Variants in SMYD3 observed in about 807,000 individuals in gnomAD.
SMYD3 encodes SET and MYND domain containing 3, also known as histone-lysine N-methyltransferase SMYD3.
In SMYD3, 36 loss-of-function variants were observed where a neutral mutation model predicts 57.7. The ratio of observed to expected loss-of-function variants is 0.62; its 90% CI spans 0.48 to 0.82. SMYD3 has a LOEUF of 0.82. Ranked by LOEUF, SMYD3 falls within the 40% of genes least tolerant of loss-of-function variation. The pLI, the probability that SMYD3 is intolerant of heterozygous loss-of-function variation, is 0.00. For synonymous variants in SMYD3, 211 were observed against 195.0 expected (o/e 1.08, Z -0.68); for missense variants, 515 against 538.8 (o/e 0.96, Z 0.44).
chr1:246,362,678 G>C (rs1195019384), intron 1 of SMYD3, among the ~76,000 whole-genome samples: 1 of 152,264 alleles, frequency 6.6e-6, no homozygotes, highest in East Asian at 1.9e-4. Flanking sequence ...GGCCGGGCTG[G>C]TCTCCAGCTC....
intron 5 of SMYD3, among the ~76,000 whole-genome samples, chr1:246,096,802 A>C (rs1416081): frequency 3.3e-5 from 5 of 152,158 alleles, no homozygotes; most frequent in Non-Finnish European, 7.4e-5. Context: ...TGTAACTCTA[A>C]TTCCAGTTAC....
intron 5 of SMYD3, among the ~76,000 whole-genome samples, chr1:246,072,008 G>C (rs59488494): frequency 0.11 from 1,758 of 16,010 alleles, 299 homozygotes; most frequent in South Asian, 0.24. Flanking sequence ...TGGATGCATC[G>C]TGTAGTTCTG....
intron 10 of SMYD3, among the ~76,000 whole-genome samples, chr1:245,776,190 TAA>T (rs923936971): frequency 2.6e-5 from 4 of 152,244 alleles, no homozygotes; most frequent in Admixed American, 6.5e-5. Context: ...TTAATAATTT[TAA>T]AAGTCTTAAT....
intron 5 of SMYD3, among the ~76,000 whole-genome samples, chr1:246,201,103 G>T (rs898723141): frequency 6.6e-6 from 1 of 152,068 alleles, no homozygotes; most frequent in Non-Finnish European, 1.5e-5. Context: ...AGTTTCCATG[G>T]CTATTGACAG....
intron 5 of SMYD3, among the ~76,000 whole-genome samples, chr1:246,077,616 C>T (rs2060570497): frequency 6.6e-6 from 1 of 151,378 alleles, no homozygotes; most frequent in Non-Finnish European, 1.5e-5. Flanking sequence ...TAAAACAGTG[C>T]AAAATAACAC....
chr1:245,903,759 C>G (rs1415811382), intron 8 of SMYD3, among the ~76,000 whole-genome samples: 1 of 152,180 alleles, frequency 6.6e-6, no homozygotes, highest in Non-Finnish European at 1.5e-5. Context: ...GAAATAACAG[C>G]CTGAGCTGTA....
At position 246,300,886 on chromosome 1, in the gene SMYD3, G is replaced by A. The variant is rs191753535; in HGVS notation, c.531+26315C>T. On this transcript the variant is annotated intron_variant, in intron 5 of 11. Transcript: ENST00000490107. The stretch of plus-strand genomic sequence containing the variant: ...ATTACAAAGACCTCAGGAAATCAAA[G>A]TCTGGATTTTATTGCAAGCAAAATA... 2.6e-5 allele frequency among the ~76,000 whole-genome samples: 4 copies of A among 152,252 alleles called. No homozygotes were observed. In the East Asian group the frequency reaches 5.8e-4, roughly 22 times the overall value.
intron 8 of SMYD3, among the ~76,000 whole-genome samples, chr1:245,873,698 G>T (rs1440329321): frequency 1.3e-5 from 2 of 152,288 alleles, no homozygotes; most frequent in African/African-American, 4.8e-5. Flanking sequence ...AGGTTTAAAG[G>T]GCAGTGTCCC....
Position 245,900,076 on chromosome 1 carries a change from T to C in SMYD3, c.813+15454A>G, listed in dbSNP as rs533783705. ...AGACAATTCCTTAGAATAAATCTGT[T>C]TCTCCACCCCATCTTGTTGGTTCTC... On this transcript the variant is annotated intron_variant, in intron 8 of 11. Coordinates refer to ENST00000490107, the MANE Select transcript of SMYD3 (RefSeq NM_001167740.2). Among the ~76,000 whole-genome samples, 264 of 152,248 alleles carry C rather than the reference T, an allele frequency of 1.7e-3. 6 individuals are homozygous for C. The highest frequency in any genetic ancestry group is 1.5e-3 in the East Asian group (8 of 5,166).
intron 5 of SMYD3, among the ~76,000 whole-genome samples, chr1:246,148,146 G>T (rs536358094): frequency 6.6e-6 from 1 of 152,276 alleles, no homozygotes; most frequent in Admixed American, 6.5e-5. Flanking sequence ...GGGACTTGTG[G>T]TGCCTCGTCT....
Position 246,256,932 on chromosome 1 carries a change from T to C in SMYD3, c.531+70269A>G, listed in dbSNP as rs1028574836. Among the ~76,000 whole-genome samples the C allele has an allele frequency of 3.2e-4, 49 of 152,242 alleles. 1 individual carries two copies. The highest frequency in any genetic ancestry group is 6.5e-5 in the Admixed American group (1 of 15,284). ...AATTTCATTGTTTACACAAAAGTCA[T>C]TCAGGAGCAAGTTGTATAATTTCCA... On this transcript the variant is annotated intron_variant, in intron 5 of 11. Coordinates refer to ENST00000490107, the MANE Select transcript of SMYD3 (RefSeq NM_001167740.2).
chr1:246,118,392 G>A (rs1335046155), intron 5 of SMYD3, among the ~76,000 whole-genome samples: 1 of 152,048 alleles, frequency 6.6e-6, no homozygotes, highest in African/African-American at 2.4e-5. Flanking sequence ...CAAATGCACC[G>A]AAGACCCTTA....
At chr1:246,326,168 A>T (rs1009732961) in intron 5 of SMYD3, 1 of 402,352 alleles carries the variant, frequency 2.5e-6, no homozygotes. Flanking sequence ...GCCTTAAAAT[A>T]TTAATGGCAT....
chr1:245,894,264 A>G (rs1354249545), intron 8 of SMYD3, among the ~76,000 whole-genome samples: 1 of 151,630 alleles, frequency 6.6e-6, no homozygotes, highest in African/African-American at 2.4e-5. Flanking sequence ...CACCCTGTAA[A>G]ATGGACCAAT....
chr1:246,356,717 T>C (rs1419743419), intron 1 of SMYD3, among the ~76,000 whole-genome samples: 2 of 152,298 alleles, frequency 1.3e-5, no homozygotes, highest in East Asian at 3.9e-4. Flanking sequence ...ACAAGTCTTT[T>C]GAGTTAACCC....
chr1:246,057,600 A>T (rs1420900653), intron 5 of SMYD3, among the ~76,000 whole-genome samples: 2 of 152,214 alleles, frequency 1.3e-5, no homozygotes, highest in Non-Finnish European at 2.9e-5. Flanking sequence ...CACTGATAAC[A>T]CCAAATGCTG....
At chr1:246,144,324 G>A (rs1403396527) in intron 5 of SMYD3, among the ~76,000 whole-genome samples, 1 of 152,102 alleles carries the variant, frequency 6.6e-6, no homozygotes, top group African/African-American at 2.4e-5. Flanking sequence ...ATGTGTTTTT[G>A]GTATTCGAAG....
intron 5 of SMYD3, among the ~76,000 whole-genome samples, chr1:246,089,850 G>A (rs1346330063): frequency 1.3e-5 from 2 of 150,566 alleles, no homozygotes; most frequent in Non-Finnish European, 2.9e-5. Flanking sequence ...TCATGATGCT[G>A]CATTTAAAAC....
chr1:246,477,457 G>C (rs1329580541), intron 1 of SMYD3, among the ~76,000 whole-genome samples: 4 of 152,008 alleles, frequency 2.6e-5, no homozygotes, highest in Non-Finnish European at 2.9e-5. Context: ...AGTTTAGAAG[G>C]GAAATATCAT....
Sources: gnomAD v4.1 joint callset for allele counts (sites outside exome capture counted in the v4.1 genomes callset) on GRCh38, gnomAD v4.1.1 for gene constraint, MANE v1.5 for transcripts, NCBI Gene and HGNC (gene_info 2026-07-23, HGNC 2026-07-21) for gene names.